CTNNA1: variants seen among roughly 807,000 people sequenced by gnomAD.
CTNNA1 encodes catenin alpha 1.
A neutral mutation model predicts 98.4 loss-of-function variants in CTNNA1; 37 were observed. That is an observed-to-expected ratio of 0.38 (90% CI 0.29 to 0.49). The LOEUF is 0.49. CTNNA1 is among the 20% of genes least tolerant of loss of function. The pLI is 0.95. For missense variants in CTNNA1, 761 were observed against 1,147.2 expected, an observed-to-expected ratio of 0.66 and a Z score of 4.86; for synonymous variants, 404 against 413.2, an observed-to-expected ratio of 0.98 and a Z score of 0.27.
chr5:138,755,220 G>A (rs1751496439), intron 1 of CTNNA1: 1 of 152,178 alleles, frequency 6.6e-6, no homozygotes, highest in Non-Finnish European at 1.5e-5. Flanking sequence ...TTACCTAATA[G>A]TAACAACAAA....
At chr5:138,901,641 C>T (rs1321850052) in intron 9 of CTNNA1, among the ~76,000 whole-genome samples, 9 of 152,164 alleles carry the variant, frequency 5.9e-5, no homozygotes, top group African/African-American at 9.7e-5. Context: ...GTAGCCCAGG[C>T]TGGTCACAAA....
rs560502746 is a variant in CTNNA1 at position 138,922,545 on chromosome 5, C to T, written c.1547-1965C>T. Among the ~76,000 whole-genome samples the T allele has an allele frequency of 2.6e-5, 4 of 152,282 alleles. No individual in the cohort carries two copies. The South Asian group carries it at 8.3e-4, about 32-fold the overall frequency. On this transcript the variant is annotated intron_variant, in intron 11 of 17. Transcript: ENST00000302763. ...TGAATTTTTTTCTATTAGAAGCACA[C>T]CTATAAATAATGTATTGAACAGTTG...
rs182763604 is a variant in CTNNA1, at chr5:138,765,866, T to G, written c.-3+12356T>G. Among the ~76,000 whole-genome samples the G allele has an allele frequency of 4.6e-4, 69 of 150,488 alleles. 1 individual carries two copies. Among genetic ancestry groups the G allele is most frequent in the Middle Eastern group, 6.8e-3 (2 of 292 alleles). On this transcript the variant is annotated intron_variant, in intron 1 of 17. Transcript: ENST00000302763. ...TGGGAGGCTGAGGCAGGAGAATCAT[T>G]TGAACCTGGGAGGCAGAGGTTGCAG...
chr5:138,780,073 T>C (rs1257497832), intron 1 of CTNNA1, among the ~76,000 whole-genome samples: 1 of 152,238 alleles, frequency 6.6e-6, no homozygotes, highest in Admixed American at 6.5e-5. Flanking sequence ...AAAGCAGTGT[T>C]GTGAACATCA....
At chr5:138,847,756 C>G (rs1196138355) in intron 7 of CTNNA1, among the ~76,000 whole-genome samples, 1 of 152,092 alleles carries the variant, frequency 6.6e-6, no homozygotes, top group Non-Finnish European at 1.5e-5. Context: ...TTTGCTGCCC[C>G]AAGTAAACTT....
chr5:138,905,487 G>C (rs1759045796), intron 10 of CTNNA1, among the ~76,000 whole-genome samples: 1 of 152,162 alleles, frequency 6.6e-6, no homozygotes, highest in African/African-American at 2.4e-5. Flanking sequence ...TGTGTTGGAG[G>C]AAACCAAATT....
At chr5:138,761,072 C>T (rs1175259774) in intron 1 of CTNNA1, among the ~76,000 whole-genome samples, 1 of 152,198 alleles carries the variant, frequency 6.6e-6, no homozygotes, top group Non-Finnish European at 1.5e-5. Flanking sequence ...AGTCCTTCGT[C>T]AGCCTCTTCA....
chr5:138,838,239 T>G (rs1306445457), intron 7 of CTNNA1, among the ~76,000 whole-genome samples: 1 of 152,238 alleles, frequency 6.6e-6, no homozygotes, highest in Non-Finnish European at 1.5e-5. Context: ...AATTATAAAT[T>G]CAGTTTCTTC....
At chr5:138,836,219 C>T (rs1761758396) in intron 7 of CTNNA1, among the ~76,000 whole-genome samples, 1 of 152,188 alleles carries the variant, frequency 6.6e-6, no homozygotes, top group Non-Finnish European at 1.5e-5. Flanking sequence ...GTCCCCTACT[C>T]CCACCATATG....
At chr5:138,840,946 A>G (rs1762217966) in intron 7 of CTNNA1, among the ~76,000 whole-genome samples, 1 of 152,110 alleles carries the variant, frequency 6.6e-6, no homozygotes, top group South Asian at 2.1e-4. Context: ...TCTGCTTTTC[A>G]TGATGGGTAG....
intron 3 of CTNNA1, among the ~76,000 whole-genome samples, chr5:138,792,880 G>T (rs1266494744): frequency 6.6e-6 from 1 of 152,194 alleles, no homozygotes; most frequent in African/African-American, 2.4e-5. Context: ...AAACTAGCAA[G>T]AAATCAGCTG....
chr5:138,899,933 A>G (rs1407557424), intron 9 of CTNNA1, among the ~76,000 whole-genome samples: 1 of 152,180 alleles, frequency 6.6e-6, no homozygotes, highest in East Asian at 1.9e-4. Context: ...TAGTTGTAGA[A>G]TTTTTCTATT....
chr5:138,807,398 A>G (rs1758205201), intron 3 of CTNNA1, among the ~76,000 whole-genome samples: 1 of 151,796 alleles, frequency 6.6e-6, no homozygotes, highest in African/African-American at 2.4e-5. Flanking sequence ...CCTTTGAGGG[A>G]TGGGTTCATT....
At chr5:138,838,858 T>G (rs150134103) in intron 7 of CTNNA1, among the ~76,000 whole-genome samples, 1,778 of 152,244 alleles carry the variant, frequency 0.012, 29 homozygotes, top group African/African-American at 0.041. Context: ...CTTGAACTCT[T>G]GAGTTCAAAT....
At chr5:138,884,011 A>G (rs1753500426) in intron 7 of CTNNA1, among the ~76,000 whole-genome samples, 1 of 152,208 alleles carries the variant, frequency 6.6e-6, no homozygotes, top group African/African-American at 2.4e-5. Context: ...CTAGGGCCCA[A>G]TATGAGTGGC....
chr5:138,813,607 A>G (rs1217727709), intron 5 of CTNNA1, among the ~76,000 whole-genome samples: 1 of 152,184 alleles, frequency 6.6e-6, no homozygotes, highest in Non-Finnish European at 1.5e-5. Flanking sequence ...TTACAGCAAG[A>G]TGGTTGTCAG....
chr5:138,786,881 T>G (rs1263323484), intron 3 of CTNNA1, among the ~76,000 whole-genome samples: 1 of 152,200 alleles, frequency 6.6e-6, no homozygotes, highest in Admixed American at 6.5e-5. Flanking sequence ...TTGGAATTTC[T>G]TAGGCAGCAA....
chr5:138,860,767 G>C (rs1318823623), intron 7 of CTNNA1, among the ~76,000 whole-genome samples: 4 of 152,050 alleles, frequency 2.6e-5, no homozygotes, highest in Admixed American at 2.6e-4. Context: ...AGACTTGGCA[G>C]TTTTAATACG....
chr5:138,780,513 TTTATTA>T (rs557602267), intron 1 of CTNNA1, among the ~76,000 whole-genome samples: 1 of 150,250 alleles, frequency 6.7e-6, no homozygotes, highest in Non-Finnish European at 1.5e-5. Context: ...TTTTTTAATT[TTTATTA>T]TTATTATTAT....
Sources: gnomAD v4.1 joint callset for allele counts (sites outside exome capture counted in the v4.1 genomes callset) on GRCh38, gnomAD v4.1.1 for gene constraint, MANE v1.5 for transcripts, NCBI Gene and HGNC (gene_info 2026-07-23, HGNC 2026-07-21) for gene names.